Variants in GRK3 observed in about 807,000 individuals in gnomAD.
GRK3 encodes the protein adrenergic, beta, receptor kinase 2.
A neutral mutation model predicts 95.7 loss-of-function variants in GRK3; 54 were observed. The ratio of observed to expected loss-of-function variants is 0.56; its 90% confidence interval spans 0.45 to 0.71. The LOEUF is 0.71. Among genes scored for constraint, GRK3 ranks in the 30% least tolerant of loss-of-function variants. The probability of loss-of-function intolerance (pLI) is 0.00; values close to 1 mark genes in which losing one functional copy is unlikely to be tolerated. For missense variants in GRK3, 649 were observed against 851.2 expected (o/e 0.76, Z 2.96); for synonymous variants, 281 against 290.8 (o/e 0.97, Z 0.34).
chr22:25,688,235 CAAAAAAAAA>C lies in GRK3; in HGVS notation c.957+581_957+589del, dbSNP rs35383882. Among the ~76,000 whole-genome samples, 10 of 63,474 alleles carry C rather than the reference CAAAAAAAAA, an allele frequency of 1.6e-4. No homozygotes were observed. The South Asian group carries it at 5.2e-3, about 33-fold the overall frequency. 41.6% of individuals were successfully genotyped at this position (63,474 alleles called of 152,430 possible). Reference sequence around the variant, plus strand: ...TGGACAACAGAGCAAGACTCTGTCTCAAAAAAAAAAAAAAAAAAAAAGCAGTTTAGGAGC... The same window carrying C: ...TGGACAACAGAGCAAGACTCTGTCTCAAAAAAAAAAAAGCAGTTTAGGAGC... On this transcript the variant is annotated intron_variant, in intron 11 of 20. Coordinates refer to ENST00000324198, the MANE Select transcript of GRK3 (RefSeq NM_005160.4).
rs186116023 is a variant in GRK3 at position 25,569,521 on chromosome 22, A to G, written c.113+4368A>G. On this transcript the variant is annotated intron_variant, in intron 1 of 20. Transcript: ENST00000324198. The stretch of plus-strand genomic sequence containing the variant: ...TTACACGCAATGGATTCTTAGAGAC[A>G]GCCTCTTACAGTGTTTTCCCCAGTA... 9.8e-5 allele frequency among the ~76,000 whole-genome samples: 15 copies of G among 152,328 alleles called. No homozygotes were observed. In the East Asian group the frequency reaches 2.9e-3, roughly 29 times the overall value.
At position 25,727,018 on chromosome 22, in the gene GRK3, TTGG is replaced by T. The variant is rs1329909933; in HGVS notation, c.*4570_*4572del. 6.6e-6 allele frequency: 1 copy of T among 151,420 alleles called. No homozygotes were observed. Among genetic ancestry groups the T allele is most frequent in the Non-Finnish European group, 1.5e-5 (1 of 68,174 alleles). The allele number at this position is 151,420 out of a possible 1,614,324, so 9.4% of individuals were successfully genotyped here. A position where few individuals can be genotyped will look rare whatever the true frequency, so the allele number is the denominator to read the frequency against. On this transcript the variant is annotated 3_prime_UTR_variant, in exon 21 of 21. Transcript: ENST00000324198. ...GGATCACTGTGAATGCATTGCCCCA[TTGG>T]TCAGTTGGGGACACTGTTACAAATC...
chr22:25,706,976 C>T (rs1454427143), intron 15 of GRK3, among the ~76,000 whole-genome samples: 1 of 152,076 alleles, frequency 6.6e-6, no homozygotes, highest in Non-Finnish European at 1.5e-5. Flanking sequence ...CCCACATTAC[C>T]ATGCCTGGCT....
intron 3 of GRK3, chr22:25,648,654 A>T (rs1280664157): frequency 1.4e-5 from 14 of 1,010,546 alleles, no homozygotes; most frequent in Non-Finnish European, 2.2e-5. Flanking sequence ...CACTGAATTG[A>T]TGTCAAAAGG....
chr22:25,586,498 G>A (rs1468304777), intron 1 of GRK3, among the ~76,000 whole-genome samples: 1 of 152,266 alleles, frequency 6.6e-6, no homozygotes, highest in Non-Finnish European at 1.5e-5. Context: ...TACCTACTGT[G>A]TACACACAAA....
Position 25,695,224 on chromosome 22 carries a change from A to C in GRK3, c.1160+10A>C. 1 of 1,600,936 alleles carries C rather than the reference A, an allele frequency of 6.2e-7. No homozygotes were observed. The highest frequency in any genetic ancestry group is 8.6e-7 in the Non-Finnish European group (1 of 1,168,098). ...TCAAACTTCTGAGAGGGTGAGTTGA[A>C]ATGCATCCTTCTAGTGCTGTCCTCA... On this transcript the variant is annotated intron_variant, in intron 13 of 20. Coordinates refer to ENST00000324198, the MANE Select transcript of GRK3 (RefSeq NM_005160.4).
At chr22:25,595,626 C>T (rs577804726) in intron 1 of GRK3, among the ~76,000 whole-genome samples, 3 of 152,260 alleles carry the variant, frequency 2.0e-5, no homozygotes, top group Admixed American at 2.0e-4. Context: ...CTAGATTTCT[C>T]ATGTTTAGGA....
chr22:25,567,565 G>A (rs1459199043), intron 1 of GRK3, among the ~76,000 whole-genome samples: 1 of 152,126 alleles, frequency 6.6e-6, no homozygotes, highest in Non-Finnish European at 1.5e-5. Context: ...AAAGGGATAC[G>A]GGTCAAATGT....
chr22:25,698,437 A>G (rs913179094), intron 13 of GRK3, among the ~76,000 whole-genome samples: 4 of 152,226 alleles, frequency 2.6e-5, no homozygotes, highest in Admixed American at 6.5e-5. Flanking sequence ...GAGCACAGAC[A>G]TGGCAGAACC....
chr22:25,630,396 CTT>C (rs2084656017), intron 2 of GRK3, among the ~76,000 whole-genome samples: 1 of 152,122 alleles, frequency 6.6e-6, no homozygotes, highest in South Asian at 2.1e-4. Flanking sequence ...TTAAATCTCT[CTT>C]ATTTTAACTG....
At chr22:25,610,789 T>C (rs2084490913) in intron 2 of GRK3, among the ~76,000 whole-genome samples, 1 of 152,260 alleles carries the variant, frequency 6.6e-6, no homozygotes, top group Non-Finnish European at 1.5e-5. Flanking sequence ...TTAATCCATG[T>C]CGTTGTGTGT....
At chr22:25,685,798 G>T (rs956630143) in intron 10 of GRK3, among the ~76,000 whole-genome samples, 1 of 151,516 alleles carries the variant, frequency 6.6e-6, no homozygotes, top group Admixed American at 6.6e-5. Flanking sequence ...AGGTGTCATG[G>T]TATATATCTA....
chr22:25,611,897 A>G (rs1436019572), intron 2 of GRK3, among the ~76,000 whole-genome samples: 2 of 149,054 alleles, frequency 1.3e-5, no homozygotes, highest in African/African-American at 5.0e-5. Context: ...CAGTGGTGCA[A>G]TCTGGGCTCA....
intron 1 of GRK3, among the ~76,000 whole-genome samples, chr22:25,575,132 GA>G (rs1931846048): frequency 6.6e-6 from 1 of 152,148 alleles, no homozygotes; most frequent in Admixed American, 6.5e-5. Flanking sequence ...ATTCCACATG[GA>G]AAACTAGCTT....
Position 25,727,890 on chromosome 22 carries a change from C to T in GRK3, c.*5440C>T, listed in dbSNP as rs2085486886. 6.6e-6 allele frequency: 1 copy of T among 152,010 alleles called. No individual in the cohort carries two copies. Among genetic ancestry groups the T allele is most frequent in the African/African-American group, 2.4e-5 (1 of 41,370 alleles). 9.4% of individuals were successfully genotyped at this position (152,010 alleles called of 1,614,324 possible). A position where few individuals can be genotyped will look rare whatever the true frequency, so the allele number is the denominator to read the frequency against. On this transcript the variant is annotated 3_prime_UTR_variant, in exon 21 of 21. Transcript: ENST00000324198. The stretch of plus-strand genomic sequence containing the variant: ...TGTGGTTTATAAGCTCAACACTGGC[C>T]ATTTTTTTAGTTTTATTGTTAAATG...
intron 1 of GRK3, among the ~76,000 whole-genome samples, chr22:25,568,183 T>C (rs562426122): frequency 6.6e-6 from 1 of 152,326 alleles, no homozygotes; most frequent in East Asian, 1.9e-4. Context: ...TTTTACATCA[T>C]GTTGGAAAAG....
intron 2 of GRK3, among the ~76,000 whole-genome samples, chr22:25,612,506 ATG>A (rs747139836): frequency 4.8e-5 from 6 of 125,918 alleles, no homozygotes; most frequent in African/African-American, 2.8e-4. Context: ...GTATGTCTGC[ATG>A]TGTGTGTGTG....
intron 2 of GRK3, 108 bp from the exon 3 acceptor site, chr22:25,644,484 G>A: frequency 4.4e-6 from 2 of 454,794 alleles, no homozygotes; most frequent in South Asian, 4.9e-5. Context: ...AAAAAAAAAA[G>A]TAGAGGAGGA....
intron 6 of GRK3, among the ~76,000 whole-genome samples, chr22:25,670,833 C>CACGAGGTCAGGAGATT (rs2084975119): frequency 2.1e-5 from 3 of 140,912 alleles, no homozygotes; most frequent in South Asian, 2.2e-4. Context: ...GCGGGCGGAT[C>CACGAGGTCAGGAGATT]GAGACCATCC....
Sources: gnomAD v4.1 joint callset for allele counts (sites outside exome capture counted in the v4.1 genomes callset) on GRCh38, gnomAD v4.1.1 for gene constraint, MANE v1.5 for transcripts, NCBI Gene and HGNC (gene_info 2026-07-23, HGNC 2026-07-21) for gene names.